BPTF: variants seen among roughly 807,000 people sequenced by gnomAD.
BPTF encodes nucleosome-remodeling factor subunit BPTF.
BPTF carries 18 observed loss-of-function variants against 292.5 expected under a neutral mutation model. The observed-to-expected ratio is 0.06, with a 90% CI of 0.04 to 0.09. BPTF has a LOEUF of 0.09. Ranked by LOEUF, BPTF falls within the 10% of genes least tolerant of loss-of-function variation. The pLI is 1.00. For missense variants in BPTF, 2,726 were observed against 3,498.7 expected (o/e 0.78, Z 5.57); for synonymous variants, 1,225 against 1,251.9 (o/e 0.98, Z 0.45).
rs1555605610 is a variant in BPTF at position 67,826,587 on chromosome 17, C to CG, written c.613+250_613+251insG. Among the ~76,000 whole-genome samples the CG allele has an allele frequency of 4.7e-5, 7 of 148,154 alleles. No homozygotes were observed. In the South Asian group the frequency reaches 6.7e-4, roughly 14 times the overall value. On this transcript the variant is annotated intron_variant, in intron 1 of 27. Transcript: ENST00000306378. ...ACACTCGCTCGCTCTCTCTCCCCCC[C>CG]CCAACCCCCTTTTTTTCCTCTTCAA... is the stretch of plus-strand genomic sequence containing the variant.
chr17:67,967,856 C>G (rs1568209268), intron 26 of BPTF, among the ~76,000 whole-genome samples: 1 of 150,676 alleles, frequency 6.6e-6, no homozygotes, highest in Non-Finnish European at 1.5e-5. Flanking sequence ...AAGTAGCCAT[C>G]AATAGAGGAG....
At chr17:67,850,376 G>C (rs1473871133) in intron 1 of BPTF, among the ~76,000 whole-genome samples, 1 of 151,940 alleles carries the variant, frequency 6.6e-6, no homozygotes, top group Non-Finnish European at 1.5e-5. Flanking sequence ...GTTTTTGTTT[G>C]TTTGTTTGTT....
rs368793504 is a variant in BPTF at position 67,980,065 on chromosome 17, C to G, written c.8727-2187C>G. Reference sequence around the variant, plus strand: ...ACAAACAAAAAAAAACCTACCCAGGCCGGGTGTGGTGGCTTATGCCTGTAA... The same window carrying G: ...ACAAACAAAAAAAAACCTACCCAGGGCGGGTGTGGTGGCTTATGCCTGTAA... On this transcript the variant is annotated intron_variant, in intron 27 of 27. Transcript: ENST00000306378. Among the ~76,000 whole-genome samples, 13 of 151,684 alleles carry G rather than the reference C, an allele frequency of 8.6e-5. No individual in the cohort carries two copies. The East Asian group carries it at 2.5e-3, about 29-fold the overall frequency.
At chr17:67,932,363 A>G (rs2064473016) in intron 18 of BPTF, among the ~76,000 whole-genome samples, 1 of 152,230 alleles carries the variant, frequency 6.6e-6, no homozygotes, top group Admixed American at 6.5e-5. Context: ...CCAGATGTTC[A>G]TTTATTACTC....
intron 7 of BPTF, among the ~76,000 whole-genome samples, chr17:67,903,211 G>T (rs1347041009): frequency 6.6e-6 from 1 of 152,342 alleles, no homozygotes; most frequent in South Asian, 2.1e-4. Flanking sequence ...TTTAAAATCC[G>T]CAGTGCTTGT....
chr17:67,912,213 A>G lies in BPTF; in HGVS notation c.4329A>G (p.Ile1443Met). 1 of 1,608,918 alleles carries G rather than the reference A, an allele frequency of 6.2e-7. No homozygotes were observed. The stretch of plus-strand genomic sequence containing the variant: ...ATGTTGAACCAAAGGTTAATAATAT[A>G]AATAAAATAATCCCTGAGAATGATA... ...SGNVEPKVNN[I>M]NKIIPENDIK... The change falls in exon 11 of 28, where the codon ATA becomes ATG. Residue 1443 changes from isoleucine to methionine, a missense_variant. Transcript: ENST00000306378.
rs1434718958 is a variant in BPTF, at chr17:67,825,787, C to A, written c.63C>A (p.Ala21=). The A allele has an allele frequency of 9.6e-7, 1 of 1,037,880 alleles. No homozygotes were observed. Among genetic ancestry groups the A allele is most frequent in the African/African-American group, 1.7e-5 (1 of 57,944 alleles). 64.3% of individuals were successfully genotyped at this position (1,037,880 alleles called of 1,614,324 possible). A position where few individuals can be genotyped will look rare whatever the true frequency, so the allele number is the denominator to read the frequency against. ...CGGCTCCCGCTGCGGAGCGCTGCGC[C>A]CCGGCCCCGCCGCCACCGCCGCCGC... ...QPAAPAAERC[A]PAPPPPPPPP... is the part of the protein sequence containing the mutation. The change falls in exon 1 of 28, where the codon GCC becomes GCA. Residue 21 remains alanine (A), a synonymous_variant. Transcript: ENST00000306378.
chr17:67,939,101 T>C (rs1366347161), intron 18 of BPTF, among the ~76,000 whole-genome samples: 1 of 152,220 alleles, frequency 6.6e-6, no homozygotes, highest in African/African-American at 2.4e-5. Flanking sequence ...ACTATATTCC[T>C]ACTATGAACC....
chr17:67,886,041 T>C, intron 4 of BPTF: 1 of 1,034,868 alleles, frequency 9.7e-7, no homozygotes, highest in Non-Finnish European at 1.4e-6. Context: ...AGCTTCTTAA[T>C]GAAATCCTAA....
rs1163150495 is a variant in BPTF, at chr17:67,932,099, CAT to C, written c.6259+82_6259+83del. 1.3e-5 allele frequency: 16 copies of C among 1,186,824 alleles called. No homozygotes were observed. In the South Asian group the frequency reaches 2.1e-4, roughly 16 times the overall value. The allele number at this position is 1,186,824 out of a possible 1,614,324, so 73.5% of individuals were successfully genotyped here. On this transcript the variant is annotated intron_variant, in intron 18 of 27. Transcript: ENST00000306378. Reference sequence around the variant, plus strand: ...ACGTAATTCTCTGCATTTGGCACTACATACGAGAAATATAATTTTAATTAGTA... The same window carrying C: ...ACGTAATTCTCTGCATTTGGCACTACACGAGAAATATAATTTTAATTAGTA...
chr17:67,826,068 C>A lies in BPTF; in HGVS notation c.344C>A (p.Thr115Asn). The A allele has an allele frequency of 7.8e-7, 1 of 1,287,216 alleles. No homozygotes were observed. Among genetic ancestry groups the A allele is most frequent in the Non-Finnish European group, 1.0e-6 (1 of 955,538 alleles). 79.7% of individuals were successfully genotyped at this position (1,287,216 alleles called of 1,614,324 possible). ...GGGGGHLART[T>N]AARRAVNKVV... is the part of the protein sequence containing the mutation. ...GGCGGCGGCCACCTGGCCCGGACCA[C>A]CGCGGCCCGGAGGGCCGTCAACAAA... is the stretch of plus-strand genomic sequence containing the variant. Residue 115 changes from threonine to asparagine, a missense_variant, in exon 1 of 28, where the codon ACC becomes AAC. By Grantham distance (65) the Thr-to-Asn change is moderately conservative. This residue lies in a region of BPTF where 153 missense variants were observed against 178.3 expected (regional missense o/e 0.86). Transcript: ENST00000306378.
Position 67,944,287 on chromosome 17 carries a change from T to C in BPTF, c.6615T>C (p.Thr2205=). 6.2e-7 allele frequency: 1 copy of C among 1,614,174 alleles called. No individual in the cohort carries two copies. Among genetic ancestry groups the C allele is most frequent in the Non-Finnish European group, 8.5e-7 (1 of 1,180,020 alleles). Residue 2205 remains threonine, a synonymous_variant, in exon 20 of 28, where the codon ACT becomes ACC. Coordinates refer to ENST00000306378, the MANE Select transcript of BPTF (RefSeq NM_182641.4). ...TGCAAGCTGCAATGCCAAATGGTAC[T>C]GTTCAGCGATTCCTCTTTACCCCAT... The part of the protein sequence containing the change: ...QLMQAAMPNG[T]VQRFLFTPLA...
chr17:67,968,179 C>G (rs2148469214), intron 26 of BPTF, among the ~76,000 whole-genome samples: 1 of 149,748 alleles, frequency 6.7e-6, no homozygotes, highest in Non-Finnish European at 1.5e-5. Flanking sequence ...TCACTTACCA[C>G]TAATGAAAGA....
intron 3 of BPTF, among the ~76,000 whole-genome samples, chr17:67,873,045 C>T (rs890861497): frequency 1.3e-5 from 2 of 151,986 alleles, no homozygotes; most frequent in Admixed American, 1.3e-4. Flanking sequence ...TGTGATCACA[C>T]CAGTGTACTC....
At position 67,912,920 on chromosome 17, in the gene BPTF, G is replaced by A. The variant is rs768365676; in HGVS notation, c.5036G>A (p.Ser1679Asn). ...GGTLVTSMTV[S>N]KEYSTRDKVK... is the part of the protein sequence containing the mutation. The stretch of plus-strand genomic sequence containing the variant: ...ACACTGGTTACATCTATGACTGTGA[G>A]CAAAGAGTATTCCACACGAGACAAA... The change falls in exon 11 of 28, where the codon AGC (serine) becomes AAC (asparagine). Residue 1679 changes from serine to asparagine, a missense_variant. Ser to Asn is a conservative substitution (Grantham distance 46, BLOSUM62 1). Around this residue, in one of 22 missense-constraint regions of BPTF, gnomAD observed 144 missense variants for 177.2 expected, o/e 0.81. Transcript: ENST00000306378. 7 of 1,614,102 alleles carry A rather than the reference G, an allele frequency of 4.3e-6. No individual in the cohort carries two copies. In the East Asian group the frequency reaches 1.6e-4, roughly 36 times the overall value.
rs776118501 is a variant in BPTF at position 67,912,929 on chromosome 17, A to T, written c.5045A>T (p.Tyr1682Phe). The T allele has an allele frequency of 1.2e-6, 2 of 1,614,246 alleles. No homozygotes were observed. The highest frequency in any genetic ancestry group is 1.7e-6 in the Non-Finnish European group (2 of 1,180,032). The change falls in exon 11 of 28, where the codon TAT (tyrosine) becomes TTT (phenylalanine). Residue 1682 changes from tyrosine to phenylalanine, a missense_variant. By Grantham distance (22) the Tyr-to-Phe change is conservative (BLOSUM62 3). Coordinates refer to ENST00000306378, the MANE Select transcript of BPTF (RefSeq NM_182641.4). ...LVTSMTVSKEYSTRDKVKLMK... is the reference protein window; with the variant it reads ...LVTSMTVSKEFSTRDKVKLMK... ...ACATCTATGACTGTGAGCAAAGAGT[A>T]TTCCACACGAGACAAAGTGAAACTG...
At position 67,866,449 on chromosome 17, in the gene BPTF, C is replaced by T; in HGVS notation, c.1437-15C>T. 1.3e-6 allele frequency: 2 copies of T among 1,556,506 alleles called. No homozygotes were observed. The highest frequency in any genetic ancestry group is 1.8e-6 in the Non-Finnish European group (2 of 1,128,584). ...ATGTCTAACATATAAAGTATTTCCC[C>T]CCATTTTTAAACAGAGAAGAAGATA... On this transcript the variant is annotated splice_polypyrimidine_tract_variant and intron_variant, in intron 2 of 27. Transcript: ENST00000306378.
rs749522015 is a variant in BPTF, at chr17:67,912,391, A to G, written c.4507A>G (p.Thr1503Ala). 6.2e-7 allele frequency: 1 copy of G among 1,614,018 alleles called. No homozygotes were observed. ...AEGNYRDSLE[T>A]LPSTKESDST... ...AGGTAACTACCGAGATAGCCTTGAG[A>G]CCCTGCCATCAACCAAAGAGTCTGA... Residue 1503 changes from threonine (T) to alanine (A), a missense_variant, in exon 11 of 28, where the codon ACC (threonine) becomes GCC (alanine). By Grantham distance (58) the Thr-to-Ala change is moderately conservative (BLOSUM62 0). Coordinates refer to ENST00000306378, the MANE Select transcript of BPTF (RefSeq NM_182641.4).
chr17:67,933,473 A>G (rs2064602836), intron 18 of BPTF, among the ~76,000 whole-genome samples: 1 of 151,578 alleles, frequency 6.6e-6, no homozygotes, highest in South Asian at 2.1e-4. Flanking sequence ...GTAGGCTGAG[A>G]TGGGAGGATT....
Sources: gnomAD v4.1 joint callset for allele counts (sites outside exome capture counted in the v4.1 genomes callset) on GRCh38, gnomAD v4.1.1 for gene constraint, gnomAD v4.1.1 regional missense constraint, MANE v1.5 for transcripts, NCBI Gene and HGNC (gene_info 2026-07-23, HGNC 2026-07-21) for gene names.